The following LHX8 variants were observed in gnomAD, a reference collection of about 807,000 sequenced individuals.
LHX8 encodes the protein LIM/homeobox protein Lhx8.
A neutral mutation model predicts 40.3 loss-of-function variants in LHX8; 12 were observed. The ratio of observed to expected loss-of-function variants is 0.30; its 90% CI spans 0.19 to 0.48. LHX8 has a LOEUF of 0.48. LHX8 is among the 20% of genes least tolerant of loss of function. The probability of loss-of-function intolerance (pLI) is 0.99; values close to 1 mark genes in which losing one functional copy is unlikely to be tolerated. For synonymous variants in LHX8, 179 were observed against 162.0 expected, an observed-to-expected ratio of 1.10 and a Z score of -0.80; for missense variants, 344 against 433.7, an observed-to-expected ratio of 0.79 and a Z score of 1.84.
intron 7 of LHX8, among the ~76,000 whole-genome samples, chr1:75,155,336 T>A (rs376583185): frequency 7.1e-6 from 1 of 141,396 alleles, no homozygotes; most frequent in African/African-American, 2.6e-5. Context: ...CCAGGTTCAC[T>A]CCATTCTCCT....
In LHX8 at chr1:75,135,622, C is replaced by T. The variant is rs1648101967; in HGVS notation, c.-13+668C>T. ...GCTCGAGTTCGGGGTACCCACCCGC[C>T]CCCGAGCTAGAGTTTTTGGAAACGA... On this transcript the variant is annotated intron_variant, in intron 1 of 8. Coordinates refer to ENST00000356261, the MANE Select transcript of LHX8 (RefSeq NM_001256114.2). 1.3e-5 allele frequency among the ~76,000 whole-genome samples: 2 copies of T among 152,178 alleles called. 1 individual carries two copies. Among genetic ancestry groups the T allele is most frequent in the Non-Finnish European group, 2.9e-5 (2 of 68,018 alleles).
In LHX8 at chr1:75,161,253, TTTATCA is replaced by T. The variant is rs1468775669; in HGVS notation, c.*362_*367del. 4.4e-6 allele frequency: 1 copy of T among 229,138 alleles called. No homozygotes were observed. Among genetic ancestry groups the T allele is most frequent in the African/African-American group, 2.3e-5 (1 of 43,024 alleles). 14.2% of individuals were successfully genotyped at this position (229,138 alleles called of 1,614,324 possible). ...TTTACAATCTTTTGTGAAATTGTAG[TTTATCA>T]TTAGTTTGTATCTGTAAGTTATTGT... is the stretch of plus-strand genomic sequence containing the variant. On this transcript the variant is annotated 3_prime_UTR_variant, in exon 9 of 9. Transcript: ENST00000356261.
chr1:75,141,783 C>G (rs572120137), intron 4 of LHX8, among the ~76,000 whole-genome samples: 1 of 152,172 alleles, frequency 6.6e-6, no homozygotes, highest in East Asian at 1.9e-4. Context: ...AAATAATTCT[C>G]AAGAATGACT....
At chr1:75,185,208 A>G in the LHX8 span, among the ~76,000 whole-genome samples, 2 of 152,110 alleles carry the variant, frequency 1.3e-5, no homozygotes, top group African/African-American at 4.8e-5. Context: ...TCCCACTGAA[A>G]CTATTCCAAA....
intron 7 of LHX8, among the ~76,000 whole-genome samples, chr1:75,153,009 G>A (rs1648651347): frequency 2.6e-5 from 4 of 151,804 alleles, no homozygotes; most frequent in Non-Finnish European, 5.9e-5. Flanking sequence ...ACCTTTCACG[G>A]TTCATCAATT....
chr1:75,151,737 A>C (rs539392564), intron 7 of LHX8, among the ~76,000 whole-genome samples: 11 of 152,354 alleles, frequency 7.2e-5, no homozygotes, highest in African/African-American at 2.4e-4. Flanking sequence ...ATTCATAACA[A>C]TGATAGCTTC....
chr1:75,180,146 G>A, the LHX8 span, among the ~76,000 whole-genome samples: 1 of 152,150 alleles, frequency 6.6e-6, no homozygotes, highest in East Asian at 1.9e-4. Flanking sequence ...TTCAACCTTG[G>A]TGAATCTGAC....
chr1:75,163,401 C>G (rs143920968), downstream of LHX8, among the ~76,000 whole-genome samples: 659 of 152,174 alleles, frequency 4.3e-3, 2 homozygotes, highest in African/African-American at 0.015. Flanking sequence ...TACCAGTTAG[C>G]AAAAGTAATG....
At chr1:75,182,759 C>G in the LHX8 span, among the ~76,000 whole-genome samples, 3 of 152,180 alleles carry the variant, frequency 2.0e-5, no homozygotes, top group African/African-American at 7.2e-5. Context: ...TGTTATGCCT[C>G]TAGGTTTGTT....
At chr1:75,133,570 C>G (rs1056162097), upstream of LHX8, among the ~76,000 whole-genome samples, 3 of 152,160 alleles carry the variant, frequency 2.0e-5, no homozygotes, top group Non-Finnish European at 4.4e-5. Flanking sequence ...AAACAAAAAT[C>G]ATTTAAAAAT....
intron 7 of LHX8, among the ~76,000 whole-genome samples, chr1:75,153,638 C>T (rs1354977720): frequency 6.7e-6 from 1 of 149,308 alleles, no homozygotes; most frequent in Non-Finnish European, 1.5e-5. Flanking sequence ...TCTTGAACTC[C>T]TGAACTTGTG....
intron 3 of LHX8, among the ~76,000 whole-genome samples, chr1:75,138,428 C>T (rs963777088): frequency 6.6e-6 from 1 of 152,048 alleles, no homozygotes; most frequent in African/African-American, 2.4e-5. Context: ...GAGAAAATGC[C>T]AGAAGAAGTT....
At chr1:75,130,573 G>T, upstream of LHX8, 1 of 818,992 alleles carries the variant, frequency 1.2e-6, no homozygotes, top group South Asian at 1.3e-5. Flanking sequence ...GCCCTCGCCC[G>T]CTTTTGGCGA....
chr1:75,198,926 A>G, the LHX8 span, among the ~76,000 whole-genome samples: 4 of 152,228 alleles, frequency 2.6e-5, no homozygotes, highest in Non-Finnish European at 5.9e-5. Context: ...TCATGACAGC[A>G]AAGCTTTGGC....
intron 4 of LHX8, 136 bp downstream of exon 4, chr1:75,141,242 G>T: frequency 1.1e-6 from 1 of 893,752 alleles, no homozygotes; most frequent in Non-Finnish European, 1.7e-6. Context: ...CAAAATGAGG[G>T]TGCTTTCCTG....
the LHX8 span, among the ~76,000 whole-genome samples, chr1:75,168,068 G>A: frequency 1.3e-5 from 2 of 152,072 alleles, no homozygotes; most frequent in South Asian, 2.1e-4. Flanking sequence ...TATTTCTCTC[G>A]AATGGCTCCT....
chr1:75,182,524 C>T, the LHX8 span, among the ~76,000 whole-genome samples: 3 of 152,186 alleles, frequency 2.0e-5, no homozygotes, highest in South Asian at 2.1e-4. Context: ...CAGGCATGTG[C>T]CACCACACCC....
the LHX8 span, among the ~76,000 whole-genome samples, chr1:75,187,054 C>T: frequency 3.9e-5 from 6 of 152,214 alleles, no homozygotes; most frequent in East Asian, 3.9e-4. Flanking sequence ...TGAGTCTACC[C>T]GGTAAGCAGC....
At chr1:75,159,701 T>G (rs1389325587) in intron 8 of LHX8, 1 of 152,186 alleles carries the variant, frequency 6.6e-6, no homozygotes, top group East Asian at 1.9e-4. Flanking sequence ...TTCTTTCAAG[T>G]CATGTCTTGT....
Sources: allele counts gnomAD v4.1 joint callset (sites outside exome capture counted in the v4.1 genomes callset), GRCh38; gene constraint gnomAD v4.1.1; transcripts MANE v1.5; gene names NCBI Gene and HGNC (gene_info 2026-07-23, HGNC 2026-07-21).